Variants in SPTBN1 observed in about 807,000 individuals in gnomAD.
The protein encoded by SPTBN1 is spectrin beta, non-erythrocytic 1.
Under a neutral mutation model 266.4 loss-of-function variants are expected in SPTBN1, and 32 were observed. The ratio of observed to expected loss-of-function variants is 0.12; its 90% CI spans 0.09 to 0.16. The LOEUF (loss-of-function observed/expected upper bound fraction) is 0.16. Ranked by LOEUF, SPTBN1 falls within the 10% of genes least tolerant of loss-of-function variation. The pLI, the probability that SPTBN1 is intolerant of heterozygous loss-of-function variation, is 1.00. For missense variants in SPTBN1, 2,296 were observed against 3,067.1 expected, an observed-to-expected ratio of 0.75 and a Z score of 5.94; for synonymous variants, 1,336 against 1,162.2, an observed-to-expected ratio of 1.15 and a Z score of -3.04.
chr2:54,655,406 A>G (rs1680584749), intron 28 of SPTBN1, among the ~76,000 whole-genome samples, 198 bp downstream of exon 28: 10 of 152,260 alleles, frequency 6.6e-5, no homozygotes, highest in Admixed American at 5.2e-4. Context: ...TCTCTGGCAC[A>G]GAAGACAATT....
intron 10 of SPTBN1, 99 bp downstream of exon 10, chr2:54,623,695 G>A (rs1023828936): frequency 3.1e-6 from 3 of 973,186 alleles, no homozygotes; most frequent in Admixed American, 2.5e-5. Flanking sequence ...ACTGGAAGGG[G>A]CTGTCCCCAC....
In SPTBN1 at chr2:54,625,920, G is replaced by C. The variant is rs771375597; in HGVS notation, c.1342-12G>C. 1.2e-6 allele frequency: 2 copies of C among 1,608,772 alleles called. No homozygotes were observed. Among genetic ancestry groups the C allele is most frequent in the East Asian group, 4.5e-5 (2 of 44,740 alleles). On this transcript the variant is annotated splice_polypyrimidine_tract_variant and intron_variant, in intron 11 of 35. Coordinates refer to ENST00000356805, the MANE Select transcript of SPTBN1 (RefSeq NM_003128.3). ...TTTTTATTTTCCTTCTTTTCATTCC[G>C]TTTCTCTGTAGGACAACTTTGGGTT... is the stretch of plus-strand genomic sequence containing the variant.
Position 54,505,546 on chromosome 2 carries a change from T to A in SPTBN1, c.-47-20826T>A, listed in dbSNP as rs1174139473. 2.6e-5 allele frequency among the ~76,000 whole-genome samples: 4 copies of A among 152,198 alleles called. No homozygotes were observed. In the East Asian group the frequency reaches 5.8e-4, roughly 22 times the overall value. ...TGCCTGCTGGGAAATCTGTGCCAGC[T>A]CTCCCAGGAAGGCTCCTGAAGCTGC... On this transcript the variant is annotated intron_variant, in intron 1 of 35. Coordinates refer to ENST00000356805, the MANE Select transcript of SPTBN1 (RefSeq NM_003128.3).
chr2:54,494,102 A>G (rs940666450), intron 1 of SPTBN1, among the ~76,000 whole-genome samples: 1 of 152,228 alleles, frequency 6.6e-6, no homozygotes, highest in African/African-American at 2.4e-5. Flanking sequence ...CGGTGTAGGA[A>G]TTGGACAGCA....
At chr2:54,584,382 G>A (rs949777383) in intron 2 of SPTBN1, among the ~76,000 whole-genome samples, 4 of 151,982 alleles carry the variant, frequency 2.6e-5, no homozygotes, top group Non-Finnish European at 5.9e-5. Flanking sequence ...TCGTTTTCTT[G>A]CACAAATATT....
At chr2:54,638,416 G>C (rs1440274362) in intron 18 of SPTBN1, among the ~76,000 whole-genome samples, 1 of 152,226 alleles carries the variant, frequency 6.6e-6, no homozygotes, top group Non-Finnish European at 1.5e-5. Flanking sequence ...ATTCGCTTAA[G>C]ACCTTCATCT....
At position 54,581,577 on chromosome 2, in the gene SPTBN1, C is replaced by CTTT. The variant is rs70944181; in HGVS notation, c.149-17494_149-17492dup. ...GCCTTCATGCTTTGGTTTCTTTGCC[C>CTTT]TTTTTTTTTTTTTTTTTTTTTTTGA... On this transcript the variant is annotated intron_variant, in intron 2 of 35. Coordinates refer to ENST00000356805, the MANE Select transcript of SPTBN1 (RefSeq NM_003128.3). Among the ~76,000 whole-genome samples the CTTT allele has an allele frequency of 5.7e-3, 589 of 102,594 alleles. 10 individuals are homozygous for CTTT. Among genetic ancestry groups the CTTT allele is most frequent in the African/African-American group, 0.02 (485 of 24,370 alleles). The allele number at this position is 102,594 out of a possible 152,430, so 67.3% of individuals were successfully genotyped here. A position where few individuals can be genotyped will look rare whatever the true frequency, so the allele number is the denominator to read the frequency against.
intron 17 of SPTBN1, among the ~76,000 whole-genome samples, chr2:54,635,495 G>A (rs2103972495): frequency 6.6e-6 from 1 of 152,378 alleles, no homozygotes; most frequent in African/African-American, 2.4e-5. Flanking sequence ...ATAGGAGAAA[G>A]GCTGCCTGGG....
At chr2:54,614,616 A>C (rs1677462644) in intron 4 of SPTBN1, among the ~76,000 whole-genome samples, 1 of 152,110 alleles carries the variant, frequency 6.6e-6, no homozygotes, top group African/African-American at 2.4e-5. Context: ...CAACCTGGCC[A>C]ACATGACGAT....
intron 7 of SPTBN1, among the ~76,000 whole-genome samples, chr2:54,618,725 G>C (rs1677801595): frequency 1.3e-5 from 2 of 152,350 alleles, no homozygotes; most frequent in Non-Finnish European, 2.9e-5. Context: ...CAGGGGCCTT[G>C]TTAGGAGGCT....
rs1463780223 is a variant in SPTBN1 at position 54,522,682 on chromosome 2, A to AG, written c.-47-3689dup. 1.8e-3 allele frequency among the ~76,000 whole-genome samples: 233 copies of AG among 126,952 alleles called. 4 individuals are homozygous for AG. Among genetic ancestry groups the AG allele is most frequent in the African/African-American group, 5.5e-3 (191 of 34,492 alleles). The allele number at this position is 126,952 out of a possible 152,430, so 83.3% of individuals were successfully genotyped here. ...AAAGAGAGAGAGAGAGAGAGAGGAG[A>AG]GAGAGAGAGAGAGAGAGAAAGAAAG... is the stretch of plus-strand genomic sequence containing the variant. On this transcript the variant is annotated intron_variant, in intron 1 of 35. Transcript: ENST00000356805.
chr2:54,658,969 T>A (rs1680858021), intron 30 of SPTBN1, among the ~76,000 whole-genome samples, 185 bp from the exon 31 acceptor site: 1 of 152,202 alleles, frequency 6.6e-6, no homozygotes, highest in Admixed American at 6.5e-5. Flanking sequence ...CTATTTCCTG[T>A]AGTTTTAGGT....
chr2:54,501,193 A>G (rs1336819768), intron 1 of SPTBN1, among the ~76,000 whole-genome samples: 2 of 152,218 alleles, frequency 1.3e-5, no homozygotes, highest in South Asian at 2.1e-4. Flanking sequence ...AAGAGTCCTC[A>G]TCTTCCTGTC....
chr2:54,662,583 G>C (rs2104235194), intron 32 of SPTBN1: 1 of 152,858 alleles, frequency 6.5e-6, no homozygotes, highest in Admixed American at 6.5e-5. Context: ...TTTTTATCCT[G>C]GTTTCTCTAC....
chr2:54,488,352 C>G (rs140892616), intron 1 of SPTBN1, among the ~76,000 whole-genome samples: 9 of 152,270 alleles, frequency 5.9e-5, no homozygotes, highest in Non-Finnish European at 1.0e-4. Flanking sequence ...TCGGAGGTCC[C>G]TTGCACCCCT....
intron 17 of SPTBN1, among the ~76,000 whole-genome samples, chr2:54,632,972 C>G (rs1678855752): frequency 6.6e-6 from 1 of 152,152 alleles, no homozygotes; most frequent in African/African-American, 2.4e-5. Context: ...GAGACATGTA[C>G]AAGTGTCCAC....
chr2:54,655,334 A>C, intron 28 of SPTBN1, 126 bp downstream of exon 28: 1 of 1,269,262 alleles, frequency 7.9e-7, no homozygotes, highest in African/African-American at 1.5e-5. Flanking sequence ...ATGTTTTAAA[A>C]CTCCTTTCCT....
Position 54,653,505 on chromosome 2 carries a change from C to T in SPTBN1, c.5578-104C>T, listed in dbSNP as rs549528092. 88 of 1,511,940 alleles carry T rather than the reference C, an allele frequency of 5.8e-5. 1 individual carries two copies. The African/African-American group carries it at 8.8e-4, about 15-fold the overall frequency. The allele number at this position is 1,511,940 out of a possible 1,614,324, so 93.7% of individuals were successfully genotyped here. A position where few individuals can be genotyped will look rare whatever the true frequency, so the allele number is the denominator to read the frequency against. On this transcript the variant is annotated intron_variant, in intron 26 of 35. Coordinates refer to ENST00000356805, the MANE Select transcript of SPTBN1 (RefSeq NM_003128.3). This position sits in a 1 kb window ranked among gnomAD's most constrained non-coding sequence, Gnocchi z 5.1. ...TTAAGGGGCATGGGCCATATTTTGA[C>T]TCTGTGCTCCCTTTAGTGTATGAGC...
chr2:54,560,725 A>G (rs1673242345), intron 2 of SPTBN1, among the ~76,000 whole-genome samples: 1 of 152,166 alleles, frequency 6.6e-6, no homozygotes, highest in Non-Finnish European at 1.5e-5. Context: ...ATTTTTAAAT[A>G]TTGTGGTTTA....
Sources: allele counts gnomAD v4.1 joint callset (sites outside exome capture counted in the v4.1 genomes callset), GRCh38; gene constraint gnomAD v4.1.1; non-coding constraint Gnocchi (gnomAD v3.1); transcripts MANE v1.5; gene names NCBI Gene and HGNC (gene_info 2026-07-23, HGNC 2026-07-21).